The following SPC25 variants were observed in gnomAD, a reference collection of about 807,000 sequenced individuals.
SPC25 encodes kinetochore protein Spc25.
SPC25 carries 22 observed loss-of-function variants against 29.6 expected under a neutral mutation model. The ratio of observed to expected loss-of-function variants is 0.74; its 90% CI spans 0.53 to 1.06. The LOEUF (loss-of-function observed/expected upper bound fraction) is 1.06. SPC25 is among the 50% of genes least tolerant of loss of function. The pLI, the probability that SPC25 is intolerant of heterozygous loss-of-function variation, is 0.00. For missense variants in SPC25, 230 were observed against 255.8 expected (o/e 0.90, Z 0.69); for synonymous variants, 91 against 90.4 (o/e 1.01, Z -0.04).
intron 4 of SPC25, chr2:168,863,736 A>T: frequency 1.2e-6 from 1 of 842,056 alleles, no homozygotes; most frequent in Non-Finnish European, 1.4e-6. Context: ...TGATCTTAAG[A>T]AAAGACTGTT....
At chr2:168,870,722 G>A (rs1032202613), downstream of SPC25, among the ~76,000 whole-genome samples, 6 of 151,460 alleles carry the variant, frequency 4.0e-5, no homozygotes, top group Non-Finnish European at 7.4e-5. Context: ...TGCTGGAGAG[G>A]ATGTGGAGAA....
At chr2:168,888,620 G>T (rs940578155) in intron 3 of SPC25, among the ~76,000 whole-genome samples, 1 of 151,964 alleles carries the variant, frequency 6.6e-6, no homozygotes, top group African/African-American at 2.4e-5. Flanking sequence ...TATATTGATA[G>T]GTTAGTTGTG....
downstream of SPC25, among the ~76,000 whole-genome samples, chr2:168,870,726 T>G (rs956833484): frequency 4.6e-5 from 7 of 151,324 alleles, no homozygotes; most frequent in Non-Finnish European, 1.0e-4. Context: ...GGAGAGGATG[T>G]GGAGAAATAG....
Position 168,877,310 on chromosome 2 carries a change from T to G in SPC25, c.274A>C (p.Lys92Gln). Residue 92 changes from lysine to glutamine, a missense_variant, in exon 4 of 7, where the codon AAA becomes CAA. Lys to Gln is a moderately conservative substitution (Grantham distance 53, BLOSUM62 1). Transcript: ENST00000282074. ...GTCAGTACTTCCAATTCCTGCTTTTTGCCTTTTACTTCAGCAATCAATTTT... is the reference window on the plus strand; with the variant it reads ...GTCAGTACTTCCAATTCCTGCTTTTGGCCTTTTACTTCAGCAATCAATTTT... ...LLKLIAEVKG[K>Q]KQELEVLTAN... is the part of the protein sequence containing the mutation. The G allele has an allele frequency of 6.2e-7, 1 of 1,613,898 alleles. No homozygotes were observed. Among genetic ancestry groups the G allele is most frequent in the Non-Finnish European group, 8.5e-7 (1 of 1,179,864 alleles).
intron 4 of SPC25, among the ~76,000 whole-genome samples, chr2:168,864,281 T>G (rs1311422851): frequency 2.3e-4 from 10 of 43,044 alleles, no homozygotes; most frequent in African/African-American, 2.0e-3. Context: ...CTGGCTGTGA[T>G]CCTGTTTTTT....
chr2:168,870,684 A>G (rs1481054646), downstream of SPC25, among the ~76,000 whole-genome samples: 271 of 149,568 alleles, frequency 1.8e-3, 13 homozygotes, highest in African/African-American at 6.3e-3. Context: ...TTAGAATGGC[A>G]ATCATTAAAA....
At chr2:168,870,585 C>T (rs529447369), downstream of SPC25, among the ~76,000 whole-genome samples, 1 of 151,886 alleles carries the variant, frequency 6.6e-6, no homozygotes, top group South Asian at 2.1e-4. Flanking sequence ...GACATTTATG[C>T]AGCCAAAATC....
chr2:168,890,373 C>G lies in SPC25; in HGVS notation c.-70G>C, dbSNP rs1190686051. 1.0e-6 allele frequency: 1 copy of G among 985,510 alleles called. No individual in the cohort carries two copies. The highest frequency in any genetic ancestry group is 4.7e-5 in the South Asian group (1 of 21,294). 61.0% of individuals were successfully genotyped at this position (985,510 alleles called of 1,614,324 possible). A position where few individuals can be genotyped will look rare whatever the true frequency, so the allele number is the denominator to read the frequency against. On this transcript the variant is annotated 5_prime_UTR_variant, in exon 1 of 7. Coordinates refer to ENST00000282074, the MANE Select transcript of SPC25 (RefSeq NM_020675.4). ...TCCCCACACCAGATCCGCGCCCACT[C>G]TAGCCAACAGCCGGACTCTAGGCTC... is the stretch of plus-strand genomic sequence containing the variant.
In SPC25 at chr2:168,871,379, G is replaced by A; in HGVS notation, c.*52C>T. ...TAATAATAAAAACAAGAAAAAAAGA[G>A]ATATGTAATAGAGAAGAAAAATAAA... On this transcript the variant is annotated 3_prime_UTR_variant, in exon 7 of 7. Coordinates refer to ENST00000282074, the MANE Select transcript of SPC25 (RefSeq NM_020675.4). The A allele has an allele frequency of 6.8e-7, 1 of 1,464,260 alleles. No homozygotes were observed. The highest frequency in any genetic ancestry group is 1.5e-5 in the African/African-American group (1 of 68,130). The allele number at this position is 1,464,260 out of a possible 1,614,324, so 90.7% of individuals were successfully genotyped here.
chr2:168,864,868 A>C (rs564825094), intron 4 of SPC25: 1 of 1,613,538 alleles, frequency 6.2e-7, no homozygotes, highest in Non-Finnish European at 8.5e-7. Context: ...AAAAAGAAGG[A>C]GGATGGTGGT....
chr2:168,878,076 G>A (rs986433822), intron 3 of SPC25, among the ~76,000 whole-genome samples: 10 of 152,020 alleles, frequency 6.6e-5, no homozygotes, highest in South Asian at 2.1e-4. Context: ...AAATTATTCC[G>A]GAACATACCA....
chr2:168,861,843 T>C, intron 4 of SPC25: 1 of 907,770 alleles, frequency 1.1e-6, no homozygotes. Flanking sequence ...ACTTTCCTTT[T>C]GAGAAAAATT....
chr2:168,887,377 A>G (rs2461387), intron 3 of SPC25, among the ~76,000 whole-genome samples: 109,562 of 150,538 alleles, frequency 0.73, 40,045 homozygotes, highest in East Asian at 0.91. Flanking sequence ...AGCCGAGATC[A>G]TGCCACTGCA....
chr2:168,870,596 A>T (rs549201878), downstream of SPC25, among the ~76,000 whole-genome samples: 8 of 150,174 alleles, frequency 5.3e-5, no homozygotes, highest in South Asian at 1.5e-3. Flanking sequence ...AGCCAAAATC[A>T]CATGAAAAAA....
intron 3 of SPC25, among the ~76,000 whole-genome samples, chr2:168,888,068 C>A (rs1477724953): frequency 6.6e-6 from 1 of 152,026 alleles, no homozygotes; most frequent in Non-Finnish European, 1.5e-5. Context: ...TGCTTGAGCC[C>A]AGGAGTTTAA....
At position 168,876,103 on chromosome 2, in the gene SPC25, A is replaced by G. The variant is rs1261436512; in HGVS notation, c.420T>C (p.Asp140=). 7 of 1,560,238 alleles carry G rather than the reference A, an allele frequency of 4.5e-6. No individual in the cohort carries two copies. The highest frequency in any genetic ancestry group is 1.3e-5 in the South Asian group (1 of 79,764). ...TTTTTCGAATTTCTAGTCCAAGTCG[A>G]TCTTTATACAAGTCTGCAGATTTCT... ...RLQKSADLYK[D]RLGLEIRKIY... Residue 140 remains aspartate, a synonymous_variant, in exon 5 of 7, where the codon GAT becomes GAC. Coordinates refer to ENST00000282074, the MANE Select transcript of SPC25 (RefSeq NM_020675.4).
intron 3 of SPC25, among the ~76,000 whole-genome samples, chr2:168,881,587 G>A (rs932262334): frequency 1.3e-5 from 2 of 152,188 alleles, no homozygotes; most frequent in Admixed American, 1.3e-4. Flanking sequence ...AGCTCAAGTG[G>A]TGCTTTATAA....
At chr2:168,885,879 G>A (rs1279364273) in intron 3 of SPC25, among the ~76,000 whole-genome samples, 2 of 152,114 alleles carry the variant, frequency 1.3e-5, no homozygotes, top group Admixed American at 6.6e-5. Flanking sequence ...TAGGGTTGTT[G>A]TGAGGATTCA....
chr2:168,877,416 T>TAC (rs1462261271), intron 3 of SPC25, 32 bp from the exon 4 acceptor site: 1 of 1,611,734 alleles, frequency 6.2e-7, no homozygotes. Flanking sequence ...AGCTAGAATA[T>TAC]GCTTGGCTCT....
Sources: allele counts gnomAD v4.1 joint callset (sites outside exome capture counted in the v4.1 genomes callset), GRCh38; gene constraint gnomAD v4.1.1; transcripts MANE v1.5; gene names NCBI Gene and HGNC (gene_info 2026-07-23, HGNC 2026-07-21).